Variants in FBXO16 observed in about 807,000 individuals in gnomAD.
FBXO16 encodes the protein F-box only protein 16.
In FBXO16, 31 loss-of-function variants were observed where a neutral mutation model predicts 41.0. The observed-to-expected ratio is 0.76, with a 90% confidence interval of 0.57 to 1.02. The LOEUF (loss-of-function observed/expected upper bound fraction) is 1.02. FBXO16 is among the 50% of genes least tolerant of loss of function. The pLI is 0.00. For synonymous variants in FBXO16, 133 were observed against 117.8 expected, an observed-to-expected ratio of 1.13 and a Z score of -0.84; for missense variants, 361 against 346.2, an observed-to-expected ratio of 1.04 and a Z score of -0.34.
intron 7 of FBXO16, among the ~76,000 whole-genome samples, chr8:28,437,008 C>G (rs1010000167): frequency 2.0e-5 from 3 of 152,174 alleles, no homozygotes; most frequent in Non-Finnish European, 4.4e-5. Context: ...CCTGCCTCAG[C>G]CTCCCAAAGT....
At chr8:28,457,417 A>G (rs1803056181) in intron 4 of FBXO16, among the ~76,000 whole-genome samples, 1 of 152,158 alleles carries the variant, frequency 6.6e-6, no homozygotes. Context: ...ATAAAGACAT[A>G]CCTGAGACTG....
intron 1 of FBXO16, among the ~76,000 whole-genome samples, chr8:28,487,408 T>C (rs909315366): frequency 6.0e-5 from 9 of 151,152 alleles, no homozygotes; most frequent in Non-Finnish European, 1.0e-4. Flanking sequence ...TTTTTTTTTT[T>C]TTTTGAGATG....
At chr8:28,434,515 C>T (rs1163427345) in intron 7 of FBXO16, among the ~76,000 whole-genome samples, 2 of 152,214 alleles carry the variant, frequency 1.3e-5, no homozygotes, top group Non-Finnish European at 2.9e-5. Flanking sequence ...ATTGTGCTAA[C>T]ATGCATTTAT....
At chr8:28,471,440 TTC>T (rs200470218) in intron 3 of FBXO16, among the ~76,000 whole-genome samples, 3,587 of 152,192 alleles carry the variant, frequency 0.024, 118 homozygotes, top group African/African-American at 0.082. Context: ...CCCTCCTTCC[TTC>T]CTCTCTCTTT....
intron 5 of FBXO16, among the ~76,000 whole-genome samples, chr8:28,454,457 G>C (rs1379669115): frequency 1.3e-5 from 2 of 151,592 alleles, no homozygotes; most frequent in Non-Finnish European, 2.9e-5. Context: ...GGCCGGGCGC[G>C]GTGGCTGAAG....
chr8:28,473,789 C>A lies in FBXO16; in HGVS notation c.118G>T (p.Ala40Ser), dbSNP rs1256857871. 6.2e-7 allele frequency: 1 copy of A among 1,603,898 alleles called. No individual in the cohort carries two copies. The highest frequency in any genetic ancestry group is 1.7e-5 in the Admixed American group (1 of 59,164). The change falls in exon 3 of 9, where the codon GCC (alanine) becomes TCC (serine). Residue 40 changes from alanine to serine, a missense_variant. Transcript: ENST00000380254. The part of the protein sequence containing the change: ...LNDRVFEERR[A>S]LLGKWFDKWT... ...ATGTTTACCCATTTGCCAAGCAGGG[C>A]TCTTCTTTCTTCAAATACCTACAGT...
At chr8:28,480,687 T>A (rs1233002423) in intron 2 of FBXO16, among the ~76,000 whole-genome samples, 1 of 151,988 alleles carries the variant, frequency 6.6e-6, no homozygotes, top group Non-Finnish European at 1.5e-5. Context: ...TATTTTTTAG[T>A]AGAGATGGGG....
chr8:28,448,067 C>T (rs555825476), intron 6 of FBXO16, among the ~76,000 whole-genome samples: 7 of 152,160 alleles, frequency 4.6e-5, no homozygotes, highest in African/African-American at 1.4e-4. Flanking sequence ...GAGCTGGGCA[C>T]GGTGACTCAT....
At chr8:28,446,283 A>G (rs970181747) in intron 7 of FBXO16, among the ~76,000 whole-genome samples, 1 of 146,482 alleles carries the variant, frequency 6.8e-6, no homozygotes, top group Non-Finnish European at 1.5e-5. Context: ...CTAGGTTCAA[A>G]CCATCCTCCT....
At chr8:28,461,083 CTT>C (rs60769796) in intron 4 of FBXO16, among the ~76,000 whole-genome samples, 4,758 of 136,338 alleles carry the variant, frequency 0.035, 231 homozygotes, top group African/African-American at 0.12. Flanking sequence ...TATACCTCTG[CTT>C]TTTTTTTTTT....
chr8:28,432,887 T>C (rs1802629058), intron 7 of FBXO16, among the ~76,000 whole-genome samples: 1 of 151,852 alleles, frequency 6.6e-6, no homozygotes, highest in African/African-American at 2.4e-5. Flanking sequence ...TGAAACCCCA[T>C]CTCTACTAAA....
chr8:28,460,573 C>T (rs1465920026), intron 4 of FBXO16, among the ~76,000 whole-genome samples: 1 of 151,520 alleles, frequency 6.6e-6, no homozygotes, highest in African/African-American at 2.4e-5. Context: ...TACAGGTACA[C>T]ACCACCACAC....
intron 7 of FBXO16, among the ~76,000 whole-genome samples, chr8:28,442,531 C>T (rs1302588310): frequency 2.0e-5 from 3 of 151,912 alleles, no homozygotes; most frequent in Non-Finnish European, 4.4e-5. Flanking sequence ...TTACAGGTGC[C>T]CGCCACCACA....
chr8:28,472,346 C>A (rs775528803), intron 3 of FBXO16, among the ~76,000 whole-genome samples: 14 of 152,316 alleles, frequency 9.2e-5, no homozygotes, highest in Non-Finnish European at 1.9e-4. Flanking sequence ...AGCTCTCCTC[C>A]TCCCTCAGCC....
chr8:28,441,310 C>CCT (rs1802769664), intron 7 of FBXO16, among the ~76,000 whole-genome samples: 1 of 152,154 alleles, frequency 6.6e-6, no homozygotes, highest in Admixed American at 6.6e-5. Flanking sequence ...GTTTTCCCTG[C>CCT]CTCTGAAGTC....
intron 1 of FBXO16, among the ~76,000 whole-genome samples, chr8:28,487,843 C>CT (rs779141755): frequency 6.6e-6 from 1 of 150,942 alleles, no homozygotes; most frequent in African/African-American, 2.4e-5. Flanking sequence ...GAATATTCAT[C>CT]TTTTTTTCTT....
At chr8:28,470,000 C>A (rs565781668) in intron 3 of FBXO16, among the ~76,000 whole-genome samples, 1 of 151,710 alleles carries the variant, frequency 6.6e-6, no homozygotes, top group African/African-American at 2.4e-5. Flanking sequence ...GTCAGGAGAT[C>A]GAGACCACAG....
In FBXO16 at chr8:28,463,623, G is replaced by T; in HGVS notation, c.331C>A (p.Arg111Ser). The change falls in exon 4 of 9, where the codon CGT becomes AGT. Residue 111 changes from arginine to serine, a missense_variant. Coordinates refer to ENST00000380254, the MANE Select transcript of FBXO16 (RefSeq NM_172366.4). ...FSFLDPRSLCRCAQVCWHWKN... is the reference protein window; with the variant it reads ...FSFLDPRSLCSCAQVCWHWKN... ...TTCCTTGCCTTTACCTGTGCACAAC[G>T]ACAAAGGCTCCGAGGGTCCAGGAAA... 1 of 1,613,844 alleles carries T rather than the reference G, an allele frequency of 6.2e-7. No individual in the cohort carries two copies. Among genetic ancestry groups the T allele is most frequent in the South Asian group, 1.1e-5 (1 of 90,956 alleles).
chr8:28,460,423 ATTTTTT>A (rs1174276709), intron 4 of FBXO16, among the ~76,000 whole-genome samples: 4 of 82,502 alleles, frequency 4.8e-5, no homozygotes, highest in African/African-American at 6.3e-5. Context: ...TACCTGGCTA[ATTTTTT>A]TTTTTTTTTT....
Sources: gnomAD v4.1 joint callset for allele counts (sites outside exome capture counted in the v4.1 genomes callset) on GRCh38, gnomAD v4.1.1 for gene constraint, MANE v1.5 for transcripts, NCBI Gene and HGNC (gene_info 2026-07-23, HGNC 2026-07-21) for gene names.